Variants in UNCX observed in about 807,000 individuals in gnomAD.
UNCX encodes the protein homeobox protein unc-4 homolog.
In UNCX, 4 loss-of-function variants were observed where a neutral mutation model predicts 14.8. The observed-to-expected ratio is 0.27, with a 90% CI of 0.13 to 0.62. The LOEUF (loss-of-function observed/expected upper bound fraction) is 0.62, where lower values mean the gene tolerates loss of function less well. Among genes scored for constraint, UNCX ranks in the 20% least tolerant of loss-of-function variants. The probability of loss-of-function intolerance (pLI) is 0.86; values close to 1 mark genes in which losing one functional copy is unlikely to be tolerated. For missense variants in UNCX, 749 were observed against 786.8 expected (o/e 0.95, Z 0.58); for synonymous variants, 459 against 395.8 (o/e 1.16, Z -1.90).
In UNCX at chr7:1,235,962, G is replaced by T; in HGVS notation, c.581G>T (p.Arg194Leu). ...GEPMDPEEIA[R>L]KELEKMEKKK... ...CCCATGGACCCGGAGGAGATCGCGCGCAAGGAGCTGGAGAAGATGGAGAAG... is the reference window on the plus strand; with the variant it reads ...CCCATGGACCCGGAGGAGATCGCGCTCAAGGAGCTGGAGAAGATGGAGAAG... Residue 194 changes from arginine to leucine, a missense_variant, in exon 3 of 3, where the codon CGC becomes CTC. Transcript: ENST00000316333. 6.2e-7 allele frequency: 1 copy of T among 1,611,722 alleles called. No homozygotes were observed. Among genetic ancestry groups the T allele is most frequent in the Non-Finnish European group, 8.5e-7 (1 of 1,179,294 alleles).
rs985553706 is a variant in UNCX at position 1,237,217 on chromosome 7, T to C, written c.*240T>C. 1.5e-5 allele frequency: 3 copies of C among 205,488 alleles called. No homozygotes were observed. The highest frequency in any genetic ancestry group is 2.8e-5 in the Non-Finnish European group (3 of 107,278). 12.7% of individuals were successfully genotyped at this position (205,488 alleles called of 1,614,324 possible). A position where few individuals can be genotyped will look rare whatever the true frequency, so the allele number is the denominator to read the frequency against. On this transcript the variant is annotated 3_prime_UTR_variant, in exon 3 of 3. Coordinates refer to ENST00000316333, the MANE Select transcript of UNCX (RefSeq NM_001080461.3). The surrounding 1 kb of genome is among the most constrained non-coding windows in gnomAD (Gnocchi z 5.8). ...CTCCCAAGAGAGCAAAAAGGACCCATGGCCCCCAAAAAACCCCACAACGAG... is the reference window on the plus strand; with the variant it reads ...CTCCCAAGAGAGCAAAAAGGACCCACGGCCCCCAAAAAACCCCACAACGAG...
intron 2 of UNCX, among the ~76,000 whole-genome samples, chr7:1,234,038 G>A (rs929547173): frequency 4.6e-5 from 7 of 152,068 alleles, no homozygotes; most frequent in Admixed American, 6.5e-5. Flanking sequence ...GGGAGGAGGG[G>A]CCGGCTTGGC....
rs1179968368 is a variant in UNCX at position 1,233,533 on chromosome 7, G to A, written c.288G>A (p.Pro96=). 1 of 1,611,712 alleles carries A rather than the reference G, an allele frequency of 6.2e-7. No individual in the cohort carries two copies. Among genetic ancestry groups the A allele is most frequent in the Non-Finnish European group, 8.5e-7 (1 of 1,179,596 alleles). Residue 96 remains proline, a synonymous_variant, in exon 2 of 3, where the codon CCG becomes CCA. Coordinates refer to ENST00000316333, the MANE Select transcript of UNCX (RefSeq NM_001080461.3). The surrounding 1 kb of genome is among the most constrained non-coding windows in gnomAD (Gnocchi z 5.3). ...GACTGCCCGCAGACTCGGGGGACCC[G>A]GACAAGGAGAGCCCGGGCTGCAAGC... is the stretch of plus-strand genomic sequence containing the variant. ...QPFKLSDSGD[P]DKESPGCKRR...
In UNCX at chr7:1,233,425, C is replaced by CCCT; in HGVS notation, c.275-94_275-93insCTC. 2.2e-6 allele frequency: 3 copies of CCCT among 1,383,194 alleles called. No homozygotes were observed. In the South Asian group the frequency reaches 4.9e-5, roughly 23 times the overall value. 85.7% of individuals were successfully genotyped at this position (1,383,194 alleles called of 1,614,324 possible). A position where few individuals can be genotyped will look rare whatever the true frequency, so the allele number is the denominator to read the frequency against. The stretch of plus-strand genomic sequence containing the variant: ...GGCGGCCGTCTCTGCGCCCCCCCCC[C>CCCT]CGGATCCAGGCGGCCAGCGGGTAGC... On this transcript the variant is annotated intron_variant, in intron 1 of 2. Transcript: ENST00000316333. This position sits in a 1 kb window ranked among gnomAD's most constrained non-coding sequence, Gnocchi z 5.3.
In UNCX at chr7:1,233,539, GGAGA is replaced by G; in HGVS notation, c.296_299del (p.Glu99AlafsTer43). The G allele has an allele frequency of 6.2e-7, 1 of 1,612,348 alleles. No individual in the cohort carries two copies. The highest frequency in any genetic ancestry group is 8.5e-7 in the Non-Finnish European group (1 of 1,179,738). On this transcript the variant is annotated frameshift_variant, in exon 2 of 3. Transcript: ENST00000316333. LOFTEE classifies it high-confidence loss of function. The surrounding 1 kb of genome is among the most constrained non-coding windows in gnomAD (Gnocchi z 5.3). ...CCGCAGACTCGGGGGACCCGGACAA[GGAGA>G]GCCCGGGCTGCAAGCGGCGGCGCAC...
In UNCX at chr7:1,237,252, C is replaced by CA. The variant is rs1778765933; in HGVS notation, c.*275_*276insA. The CA allele has an allele frequency of 5.8e-6, 1 of 171,180 alleles. No individual in the cohort carries two copies. The allele number at this position is 171,180 out of a possible 1,614,324, so 10.6% of individuals were successfully genotyped here. ...AAAACCCCACAACGAGAATCCTCAG[C>CA]CTTGTAAAATGCAAAAATGTCTAAG... On this transcript the variant is annotated 3_prime_UTR_variant, in exon 3 of 3. Coordinates refer to ENST00000316333, the MANE Select transcript of UNCX (RefSeq NM_001080461.3). This position sits in a 1 kb window ranked among gnomAD's most constrained non-coding sequence, Gnocchi z 5.8.
In UNCX at chr7:1,233,505, T is replaced by C. The variant is rs374455567; in HGVS notation, c.275-15T>C. The C allele has an allele frequency of 2.3e-5, 37 of 1,602,716 alleles. No homozygotes were observed. Among genetic ancestry groups the C allele is most frequent in the Non-Finnish European group, 3.1e-5 (37 of 1,176,676 alleles). ...CCGGTGGCTGAGCCGCGCTGCGTCC[T>C]GTGACTGCCCGCAGACTCGGGGGAC... On this transcript the variant is annotated splice_polypyrimidine_tract_variant and intron_variant, in intron 1 of 2. Coordinates refer to ENST00000316333, the MANE Select transcript of UNCX (RefSeq NM_001080461.3). This position sits in a 1 kb window ranked among gnomAD's most constrained non-coding sequence, Gnocchi z 5.3.
At chr7:1,234,472 C>T (rs1314993892) in intron 2 of UNCX, among the ~76,000 whole-genome samples, 1 of 151,754 alleles carries the variant, frequency 6.6e-6, no homozygotes, top group Non-Finnish European at 1.5e-5. Flanking sequence ...TCTTTTTCTG[C>T]GGTGGGTGCG....
In UNCX at chr7:1,233,333, G is replaced by T; in HGVS notation, c.274+42G>T. On this transcript the variant is annotated intron_variant, in intron 1 of 2. Transcript: ENST00000316333. This position sits in a 1 kb window ranked among gnomAD's most constrained non-coding sequence, Gnocchi z 5.3. ...GGAGGGCGGGGAGGAGTGCGGCTGG[G>T]GGCGGGGGCCCTGGTCCGGCCGAGG... 1 of 1,322,424 alleles carries T rather than the reference G, an allele frequency of 7.6e-7. No homozygotes were observed. Among genetic ancestry groups the T allele is most frequent in the South Asian group, 2.1e-5 (1 of 47,924 alleles). The allele number at this position is 1,322,424 out of a possible 1,614,324, so 81.9% of individuals were successfully genotyped here.
In UNCX at chr7:1,236,898, C is replaced by A. The variant is rs1265309033; in HGVS notation, c.1517C>A (p.Pro506Gln). The A allele has an allele frequency of 1.7e-6, 2 of 1,149,332 alleles. No individual in the cohort carries two copies. Among genetic ancestry groups the A allele is most frequent in the Non-Finnish European group, 2.1e-6 (2 of 935,792 alleles). 71.2% of individuals were successfully genotyped at this position (1,149,332 alleles called of 1,614,324 possible). A position where few individuals can be genotyped will look rare whatever the true frequency, so the allele number is the denominator to read the frequency against. Residue 506 changes from proline (P) to glutamine (Q), a missense_variant, in exon 3 of 3, where the codon CCG becomes CAG. Pro to Gln is a moderately conservative substitution (Grantham distance 76). Around this residue, in one of 3 missense-constraint regions of UNCX, gnomAD observed 552 missense variants for 507.2 expected, o/e 1.09. Transcript: ENST00000316333. This position sits in a 1 kb window ranked among gnomAD's most constrained non-coding sequence, Gnocchi z 6.9. ...GPRPPSPAEE[P>Q]ATCGVPEPGA... is the part of the protein sequence containing the mutation. ...CGGCCTCCCAGCCCCGCCGAGGAGC[C>A]GGCCACCTGCGGGGTTCCCGAGCCT...
chr7:1,233,493 C>T lies in UNCX; in HGVS notation c.275-27C>T, dbSNP rs1299423397. ...GTCGGGCCTGGGCCGGTGGCTGAGC[C>T]GCGCTGCGTCCTGTGACTGCCCGCA... On this transcript the variant is annotated intron_variant, in intron 1 of 2. Transcript: ENST00000316333. This position sits in a 1 kb window ranked among gnomAD's most constrained non-coding sequence, Gnocchi z 5.3. The T allele has an allele frequency of 1.9e-6, 3 of 1,589,078 alleles. No individual in the cohort carries two copies. The highest frequency in any genetic ancestry group is 4.6e-5 in the East Asian group (2 of 43,770).
In UNCX at chr7:1,236,807, T is replaced by A; in HGVS notation, c.1426T>A (p.Cys476Ser). ...AAATEGGGGD[C>S]ADAGTAGPAP... The stretch of plus-strand genomic sequence containing the variant: ...GGCTACCGAGGGCGGCGGCGGGGAC[T>A]GCGCGGACGCGGGGACCGCCGGCCC... The change falls in exon 3 of 3, where the codon TGC becomes AGC. Residue 476 changes from cysteine (C) to serine (S), a missense_variant. Cys to Ser is a moderately radical substitution (Grantham distance 112, BLOSUM62 -1). Around this residue, in one of 3 missense-constraint regions of UNCX, gnomAD observed 552 missense variants for 507.2 expected, o/e 1.09. Coordinates refer to ENST00000316333, the MANE Select transcript of UNCX (RefSeq NM_001080461.3). The surrounding 1 kb of genome is among the most constrained non-coding windows in gnomAD (Gnocchi z 6.9). 1.0e-6 allele frequency: 1 copy of A among 985,962 alleles called. No homozygotes were observed. The highest frequency in any genetic ancestry group is 1.2e-6 in the Non-Finnish European group (1 of 832,296). The allele number at this position is 985,962 out of a possible 1,614,324, so 61.1% of individuals were successfully genotyped here.
chr7:1,236,796 G>T lies in UNCX; in HGVS notation c.1415G>T (p.Gly472Val). The change falls in exon 3 of 3, where the codon GGC (glycine) becomes GTC (valine). Residue 472 changes from glycine to valine, a missense_variant. Coordinates refer to ENST00000316333, the MANE Select transcript of UNCX (RefSeq NM_001080461.3). The surrounding 1 kb of genome is among the most constrained non-coding windows in gnomAD (Gnocchi z 6.9). ...DLASAAATEG[G>V]GGDCADAGTA... ...GCCTCGGCAGCGGCTACCGAGGGCG[G>T]CGGCGGGGACTGCGCGGACGCGGGG... The T allele has an allele frequency of 2.0e-6, 2 of 986,686 alleles. No individual in the cohort carries two copies. The highest frequency in any genetic ancestry group is 2.4e-6 in the Non-Finnish European group (2 of 832,434). 61.1% of individuals were successfully genotyped at this position (986,686 alleles called of 1,614,324 possible). A position where few individuals can be genotyped will look rare whatever the true frequency, so the allele number is the denominator to read the frequency against.
In UNCX at chr7:1,236,600, A is replaced by G. The variant is rs1778747773; in HGVS notation, c.1219A>G (p.Lys407Glu). 7.1e-6 allele frequency: 8 copies of G among 1,134,596 alleles called. No homozygotes were observed. Among genetic ancestry groups the G allele is most frequent in the Non-Finnish European group, 8.6e-6 (8 of 931,044 alleles). 70.3% of individuals were successfully genotyped at this position (1,134,596 alleles called of 1,614,324 possible). A position where few individuals can be genotyped will look rare whatever the true frequency, so the allele number is the denominator to read the frequency against. Reference protein sequence around the residue: ...KGGAGLEPAPKDAPPAPAVPP... With the variant: ...KGGAGLEPAPEDAPPAPAVPP... ...CGGCGCGGGCCTGGAGCCGGCGCCC[A>G]AGGACGCGCCGCCCGCGCCCGCCGT... is the stretch of plus-strand genomic sequence containing the variant. The change falls in exon 3 of 3, where the codon AAG becomes GAG. Residue 407 changes from lysine to glutamate, a missense_variant. Transcript: ENST00000316333. The surrounding 1 kb of genome is among the most constrained non-coding windows in gnomAD (Gnocchi z 6.9).
rs2128272977 is a variant in UNCX, at chr7:1,236,604, A to C, written c.1223A>C (p.Asp408Ala). ...GGAGLEPAPK[D>A]APPAPAVPPA... The stretch of plus-strand genomic sequence containing the variant: ...GCGGGCCTGGAGCCGGCGCCCAAGG[A>C]CGCGCCGCCCGCGCCCGCCGTGCCG... The change falls in exon 3 of 3, where the codon GAC becomes GCC. Residue 408 changes from aspartate (D) to alanine (A), a missense_variant. By Grantham distance (126) the Asp-to-Ala change is moderately radical (BLOSUM62 -2). This residue lies in a region of UNCX where 552 missense variants were observed against 507.2 expected (regional missense o/e 1.09). Coordinates refer to ENST00000316333, the MANE Select transcript of UNCX (RefSeq NM_001080461.3). This position sits in a 1 kb window ranked among gnomAD's most constrained non-coding sequence, Gnocchi z 6.9. 9.1e-6 allele frequency: 10 copies of C among 1,103,810 alleles called. No homozygotes were observed. The highest frequency in any genetic ancestry group is 1.7e-5 in the African/African-American group (1 of 57,970). The allele number at this position is 1,103,810 out of a possible 1,614,324, so 68.4% of individuals were successfully genotyped here. A position where few individuals can be genotyped will look rare whatever the true frequency, so the allele number is the denominator to read the frequency against.
chr7:1,236,599 C>G lies in UNCX; in HGVS notation c.1218C>G (p.Pro406=). 1 of 1,146,346 alleles carries G rather than the reference C, an allele frequency of 8.7e-7. No homozygotes were observed. The highest frequency in any genetic ancestry group is 1.7e-5 in the African/African-American group (1 of 59,886). The allele number at this position is 1,146,346 out of a possible 1,614,324, so 71.0% of individuals were successfully genotyped here. A position where few individuals can be genotyped will look rare whatever the true frequency, so the allele number is the denominator to read the frequency against. The part of the protein sequence containing the change: ...LKGGAGLEPA[P]KDAPPAPAVP... ...GCGGCGCGGGCCTGGAGCCGGCGCC[C>G]AAGGACGCGCCGCCCGCGCCCGCCG... The change falls in exon 3 of 3, where the codon CCC becomes CCG. Residue 406 remains proline, a synonymous_variant. Transcript: ENST00000316333. The surrounding 1 kb of genome is among the most constrained non-coding windows in gnomAD (Gnocchi z 6.9).
Position 1,233,422 on chromosome 7 carries a change from C to A in UNCX, c.275-98C>A, listed in dbSNP as rs1204476252. On this transcript the variant is annotated intron_variant, in intron 1 of 2. Transcript: ENST00000316333. The surrounding 1 kb of genome is among the most constrained non-coding windows in gnomAD (Gnocchi z 5.3). ...CTAGGCGGCCGTCTCTGCGCCCCCC[C>A]CCCCGGATCCAGGCGGCCAGCGGGT... 6.5e-6 allele frequency: 9 copies of A among 1,378,392 alleles called. No homozygotes were observed. Among genetic ancestry groups the A allele is most frequent in the African/African-American group, 4.6e-5 (3 of 64,842 alleles). 85.4% of individuals were successfully genotyped at this position (1,378,392 alleles called of 1,614,324 possible).
rs115202471 is a variant in UNCX, at chr7:1,234,314, C to G, written c.450+619C>G. On this transcript the variant is annotated intron_variant, in intron 2 of 2. Coordinates refer to ENST00000316333, the MANE Select transcript of UNCX (RefSeq NM_001080461.3). ...TTTTTAATAATAACCCCGGTCTCATCTTTTTCTTACGACTGTTTTCCCGTA... is the reference window on the plus strand; with the variant it reads ...TTTTTAATAATAACCCCGGTCTCATGTTTTTCTTACGACTGTTTTCCCGTA... Among the ~76,000 whole-genome samples the G allele has an allele frequency of 5.6e-3, 850 of 152,308 alleles. 10 individuals are homozygous for G. The highest frequency in any genetic ancestry group is 0.02 in the African/African-American group (814 of 41,564).
Position 1,236,243 on chromosome 7 carries a change from A to G in UNCX, c.862A>G (p.Ser288Gly), listed in dbSNP as rs1215006319. The change falls in exon 3 of 3, where the codon AGC becomes GGC. Residue 288 changes from serine to glycine, a missense_variant. Physicochemically the swap from Ser to Gly is moderately conservative, Grantham distance 56 (BLOSUM62 0). This residue lies in a region of UNCX where 552 missense variants were observed against 507.2 expected (regional missense o/e 1.09). Coordinates refer to ENST00000316333, the MANE Select transcript of UNCX (RefSeq NM_001080461.3). This position sits in a 1 kb window ranked among gnomAD's most constrained non-coding sequence, Gnocchi z 6.9. ...CACCTGCGACCCCGCCTTCTACCCGAGCCAAAGAAGCGGCGCCGGCCCACA... is the reference window on the plus strand; with the variant it reads ...CACCTGCGACCCCGCCTTCTACCCGGGCCAAAGAAGCGGCGCCGGCCCACA... ...PGTCDPAFYP[S>G]QRSGAGPQPR... 9 of 1,370,786 alleles carry G rather than the reference A, an allele frequency of 6.6e-6. No homozygotes were observed. The highest frequency in any genetic ancestry group is 2.8e-6 in the Non-Finnish European group (3 of 1,053,942). 84.9% of individuals were successfully genotyped at this position (1,370,786 alleles called of 1,614,324 possible). A position where few individuals can be genotyped will look rare whatever the true frequency, so the allele number is the denominator to read the frequency against.
Sources: allele counts gnomAD v4.1 joint callset (sites outside exome capture counted in the v4.1 genomes callset), GRCh38; gene constraint gnomAD v4.1.1; regional missense constraint gnomAD v4.1.1; non-coding constraint Gnocchi (gnomAD v3.1); transcripts MANE v1.5; gene names NCBI Gene and HGNC (gene_info 2026-07-23, HGNC 2026-07-21).